Variants in EPHA6 observed in about 807,000 individuals in gnomAD.
EPHA6 encodes the protein ephrin type-A receptor 6.
EPHA6 carries 50 observed loss-of-function variants against 112.0 expected under a neutral mutation model. That is an observed-to-expected ratio of 0.45 (90% CI 0.36 to 0.56). The LOEUF is 0.56. EPHA6 is among the 20% of genes least tolerant of loss of function. The pLI is 0.00. For synonymous variants in EPHA6, 529 were observed against 490.7 expected, an observed-to-expected ratio of 1.08 and a Z score of -1.03; for missense variants, 1,280 against 1,417.4, an observed-to-expected ratio of 0.90 and a Z score of 1.56.
At chr3:97,133,853 A>G (rs2075701210) in intron 3 of EPHA6, among the ~76,000 whole-genome samples, 6 of 152,036 alleles carry the variant, frequency 3.9e-5, no homozygotes, top group Admixed American at 3.3e-4. Context: ...TTTGTTCTCA[A>G]TAGGGAATTC....
intron 7 of EPHA6, among the ~76,000 whole-genome samples, chr3:97,456,818 A>C (rs754963072): frequency 1.3e-5 from 2 of 152,038 alleles, no homozygotes; most frequent in Non-Finnish European, 2.9e-5. Flanking sequence ...AAATTGCTTG[A>C]ATTTTTCTTT....
intron 7 of EPHA6, among the ~76,000 whole-genome samples, chr3:97,462,605 T>G (rs1244575248): frequency 6.6e-6 from 1 of 152,172 alleles, no homozygotes; most frequent in Non-Finnish European, 1.5e-5. Context: ...AGCTTAGCTA[T>G]ATATTGAAAA....
chr3:96,905,557 CA>C (rs1172028756), intron 2 of EPHA6, among the ~76,000 whole-genome samples: 1 of 151,790 alleles, frequency 6.6e-6, no homozygotes, highest in Non-Finnish European at 1.5e-5. Flanking sequence ...TTATCTAGAC[CA>C]AATTAAGTAT....
intron 3 of EPHA6, among the ~76,000 whole-genome samples, chr3:97,123,716 G>A (rs1438814786): frequency 1.3e-5 from 2 of 152,112 alleles, no homozygotes; most frequent in African/African-American, 2.4e-5. Context: ...AAATCAGTTT[G>A]TTTCACTTCA....
At position 97,605,006 on chromosome 3, in the gene EPHA6, G is replaced by A. The variant is rs1240961146; in HGVS notation, c.2513-5787G>A. ...AGAAGAATTGGGCATTTAGTCCTGA[G>A]GTCAAAGCCACTTTAGAATGGGAGA... On this transcript the variant is annotated intron_variant, in intron 12 of 17. Transcript: ENST00000389672. Among the ~76,000 whole-genome samples the A allele has an allele frequency of 2.6e-5, 4 of 151,516 alleles. No individual in the cohort carries two copies. The East Asian group carries it at 7.7e-4, about 29-fold the overall frequency.
At chr3:97,315,597 T>C (rs1028372876) in intron 5 of EPHA6, among the ~76,000 whole-genome samples, 2 of 151,724 alleles carry the variant, frequency 1.3e-5, no homozygotes, top group Admixed American at 1.3e-4. Flanking sequence ...TAGCAAACTT[T>C]CATTTACACG....
At chr3:97,700,863 C>T (rs943154002) in intron 14 of EPHA6, among the ~76,000 whole-genome samples, 8 of 152,134 alleles carry the variant, frequency 5.3e-5, no homozygotes, top group Admixed American at 5.2e-4. Flanking sequence ...TCAGAGCCAG[C>T]GTTCCCATCA....
At chr3:97,210,858 G>A (rs1403186001) in intron 3 of EPHA6, among the ~76,000 whole-genome samples, 3 of 152,324 alleles carry the variant, frequency 2.0e-5, no homozygotes, top group Middle Eastern at 3.4e-3. Flanking sequence ...CAGGAGTGGG[G>A]ACTGGAGGAT....
At chr3:96,918,068 C>T (rs1014402531) in intron 2 of EPHA6, among the ~76,000 whole-genome samples, 1 of 152,130 alleles carries the variant, frequency 6.6e-6, no homozygotes, top group East Asian at 1.9e-4. Flanking sequence ...TTAGCACCCT[C>T]CCTCTACCCC....
At chr3:97,553,579 A>G (rs748511311) in intron 11 of EPHA6, among the ~76,000 whole-genome samples, 23 of 152,172 alleles carry the variant, frequency 1.5e-4, no homozygotes, top group Middle Eastern at 3.4e-3. Context: ...CTTTAAAACC[A>G]TCAGCTCTCA....
At chr3:97,302,828 C>A (rs2081149218) in intron 5 of EPHA6, among the ~76,000 whole-genome samples, 2 of 151,876 alleles carry the variant, frequency 1.3e-5, no homozygotes, top group South Asian at 4.1e-4. Flanking sequence ...AAATATTTCT[C>A]ATTTTGGTAT....
At chr3:97,018,457 T>A (rs949709421) in intron 3 of EPHA6, among the ~76,000 whole-genome samples, 4 of 152,042 alleles carry the variant, frequency 2.6e-5, no homozygotes, top group Non-Finnish European at 5.9e-5. Flanking sequence ...AGGGGCAGGA[T>A]AAGGAGAGTG....
At chr3:96,981,476 A>C (rs75665073) in intron 2 of EPHA6, among the ~76,000 whole-genome samples, 1 of 151,740 alleles carries the variant, frequency 6.6e-6, no homozygotes, top group Non-Finnish European at 1.5e-5. Context: ...GGATTTTTGC[A>C]TCGATGTTCA....
intron 3 of EPHA6, among the ~76,000 whole-genome samples, chr3:97,148,495 A>C (rs1452758644): frequency 6.6e-6 from 1 of 152,118 alleles, no homozygotes; most frequent in Non-Finnish European, 1.5e-5. Context: ...TTTTTCAAAA[A>C]TTTGAGGGAA....
chr3:97,276,584 G>A (rs1349419304), intron 5 of EPHA6, among the ~76,000 whole-genome samples: 1 of 152,094 alleles, frequency 6.6e-6, no homozygotes, highest in Non-Finnish European at 1.5e-5. Context: ...TTCTATTATT[G>A]TACACCTTGA....
At position 97,325,835 on chromosome 3, in the gene EPHA6, A is replaced by T. The variant is rs551816465; in HGVS notation, c.1607-79315A>T. Among the ~76,000 whole-genome samples the T allele has an allele frequency of 2.6e-4, 39 of 152,184 alleles. 1 individual carries two copies. Among genetic ancestry groups the T allele is most frequent in the African/African-American group, 7.0e-4 (29 of 41,534 alleles). On this transcript the variant is annotated intron_variant, in intron 5 of 17. Transcript: ENST00000389672. ...CCAACTTGCCATCTGCTAATCTAAC[A>T]TCTATAAATATTTCATTATTTTATT...
chr3:96,946,994 T>TA (rs1206245611), intron 2 of EPHA6, among the ~76,000 whole-genome samples: 4 of 152,132 alleles, frequency 2.6e-5, no homozygotes, highest in Non-Finnish European at 5.9e-5. Context: ...TGTCTGTTCA[T>TA]ATCCTTCGCC....
At chr3:97,708,186 A>G (rs2033782096) in intron 14 of EPHA6, among the ~76,000 whole-genome samples, 1 of 152,204 alleles carries the variant, frequency 6.6e-6, no homozygotes, top group Non-Finnish European at 1.5e-5. Context: ...AATGGTTTTG[A>G]CCAAAATGCT....
chr3:97,542,605 T>C (rs2092877680), intron 11 of EPHA6, among the ~76,000 whole-genome samples: 1 of 152,230 alleles, frequency 6.6e-6, no homozygotes, highest in Non-Finnish European at 1.5e-5. Flanking sequence ...TTTGGGTATA[T>C]ACCCAGTAAT....
Sources: gnomAD v4.1 joint callset for allele counts (sites outside exome capture counted in the v4.1 genomes callset) on GRCh38, gnomAD v4.1.1 for gene constraint, MANE v1.5 for transcripts, NCBI Gene and HGNC (gene_info 2026-07-23, HGNC 2026-07-21) for gene names.